CDK5RAP3: variants seen among roughly 807,000 people sequenced by gnomAD.
CDK5RAP3 encodes the protein CDK5 regulatory subunit-associated protein 3.
In CDK5RAP3, 58 loss-of-function variants were observed where a neutral mutation model predicts 73.3. That is an observed-to-expected ratio of 0.79 (90% CI 0.64 to 0.98). The LOEUF is 0.98. CDK5RAP3 is among the 50% of genes least tolerant of loss of function. CDK5RAP3 has a pLI of 0.00. For missense variants in CDK5RAP3, 525 were observed against 615.8 expected (o/e 0.85, Z 1.56); for synonymous variants, 224 against 247.5 (o/e 0.91, Z 0.89).
intron 5 of CDK5RAP3, chr17:47,974,711 T>C: frequency 7.5e-7 from 1 of 1,342,180 alleles, no homozygotes; most frequent in Admixed American, 3.2e-5. Context: ...CCTCCACCAC[T>C]CACCTCTTGG....
chr17:47,976,592 G>A, intron 8 of CDK5RAP3, 120 bp from the exon 9 acceptor site: 1 of 671,880 alleles, frequency 1.5e-6, no homozygotes, highest in Non-Finnish European at 2.7e-6. Flanking sequence ...TCAAACTCCT[G>A]GGCTCAAGCA....
At chr17:47,970,704 C>A, upstream of CDK5RAP3, 1 of 1,535,664 alleles carries the variant, frequency 6.5e-7, no homozygotes, top group Non-Finnish European at 8.7e-7. Context: ...GATGGTAAAG[C>A]GACGCAAGGA....
chr17:47,970,778 A>G (rs1227029487), upstream of CDK5RAP3: 2 of 1,494,098 alleles, frequency 1.3e-6, no homozygotes, highest in African/African-American at 1.4e-5. Flanking sequence ...AGACGTCTCA[A>G]TCTGCGTGGA....
intron 5 of CDK5RAP3, 38 bp from the exon 6 acceptor site, chr17:47,975,121 G>T (rs368578380): frequency 3.7e-6 from 6 of 1,613,798 alleles, no homozygotes; most frequent in South Asian, 2.2e-5. Flanking sequence ...TGCCTCATGT[G>T]GGGGTGTCCT....
intron 6 of CDK5RAP3, 58 bp from the exon 7 acceptor site, chr17:47,975,456 T>A: frequency 1.2e-6 from 2 of 1,609,406 alleles, no homozygotes; most frequent in Non-Finnish European, 1.7e-6. Flanking sequence ...CTTACTTTTC[T>A]TCGGTCTTTG....
rs763516183 is a variant in CDK5RAP3 at position 47,980,771 on chromosome 17, A to G, written c.1256A>G (p.His419Arg). The G allele has an allele frequency of 6.2e-7, 1 of 1,614,024 alleles. No individual in the cohort carries two copies. The highest frequency in any genetic ancestry group is 8.5e-7 in the Non-Finnish European group (1 of 1,179,986). The change falls in exon 12 of 14, where the codon CAC (histidine) becomes CGC (arginine). Residue 419 changes from histidine to arginine, a missense_variant. By Grantham distance (29) the His-to-Arg change is conservative. Transcript: ENST00000338399. ...IGKLTSLQLQ[H>R]LFMILASPRY... is the part of the protein sequence containing the mutation. ...AAGCTTACCAGTCTTCAGCTGCAAC[A>G]CCTGTTTATGATCCTGGCCTCACCA...
upstream of CDK5RAP3, among the ~76,000 whole-genome samples, chr17:47,968,783 C>T (rs1188062827): frequency 1.3e-5 from 2 of 151,914 alleles, no homozygotes; most frequent in African/African-American, 2.4e-5. Context: ...CCCAAAGTGC[C>T]GAGATTACAG....
intron 4 of CDK5RAP3, 68 bp downstream of exon 4, chr17:47,974,099 T>C: frequency 1.8e-6 from 2 of 1,099,030 alleles, no homozygotes; most frequent in Admixed American, 1.7e-5. Context: ...ATAGCCTCTG[T>C]GGTCTCTCTG....
intron 10 of CDK5RAP3, chr17:47,978,604 C>A (rs1287914168): frequency 1.8e-6 from 1 of 541,450 alleles, no homozygotes; most frequent in Admixed American, 3.2e-5. Flanking sequence ...TTCTACCCCT[C>A]TGAACCCAGC....
Position 47,980,817 on chromosome 17 carries a change from G to GC in CDK5RAP3, c.1283+20dup, listed in dbSNP as rs1225365737. ...CACCAAGGTCTGGCTTCCCCTTGAT[G>GC]CAAGGCTCTGCCATCTTGAGCAGCT... On this transcript the variant is annotated intron_variant, in intron 12 of 13. Coordinates refer to ENST00000338399, the MANE Select transcript of CDK5RAP3 (RefSeq NM_176096.3). 3.1e-6 allele frequency: 5 copies of GC among 1,610,606 alleles called. No individual in the cohort carries two copies. Among genetic ancestry groups the GC allele is most frequent in the Non-Finnish European group, 4.2e-6 (5 of 1,177,008 alleles).
In CDK5RAP3 at chr17:47,973,619, C is replaced by T. The variant is rs374240629; in HGVS notation, c.153C>T (p.Ser51=). Residue 51 remains serine, a synonymous_variant, in exon 3 of 14, where the codon AGC becomes AGT. Transcript: ENST00000338399. ...INAAIQDMPE[S]EEIAQLLSGS... ...CTGCCATCCAGGACATGCCAGAGAG[C>T]GAAGAGATCGCCCAGCTGCTGTCTG... 7.3e-5 allele frequency: 118 copies of T among 1,614,070 alleles called. No homozygotes were observed. The highest frequency in any genetic ancestry group is 3.2e-4 in the Admixed American group (19 of 60,002).
In CDK5RAP3 at chr17:47,975,234, A is replaced by G. The variant is rs775802632; in HGVS notation, c.410A>G (p.Gln137Arg). The G allele has an allele frequency of 6.2e-7, 1 of 1,614,194 alleles. No homozygotes were observed. The highest frequency in any genetic ancestry group is 1.6e-4 in the Middle Eastern group (1 of 6,062). ...CTGAAGAAGCAGATTGCCAAGTGCC[A>G]GCAGCTGCAGCAAGAATACAGCCGC... Reference protein sequence around the residue: ...PSLKKQIAKCQQLQQEYSRKE... With the variant: ...PSLKKQIAKCRQLQQEYSRKE... Residue 137 changes from glutamine to arginine, a missense_variant, in exon 6 of 14, where the codon CAG becomes CGG. By Grantham distance (43) the Gln-to-Arg change is conservative. Transcript: ENST00000338399.
upstream of CDK5RAP3, among the ~76,000 whole-genome samples, chr17:47,968,416 G>A (rs890444774): frequency 6.6e-6 from 1 of 152,092 alleles, no homozygotes; most frequent in African/African-American, 2.4e-5. Context: ...CCAAGTTCAG[G>A]TGATTCTTCC....
Position 47,975,631 on chromosome 17 carries a change from T to A in CDK5RAP3, c.631T>A (p.Ser211Thr). ...LGEAIDVYQA[S>T]VGFVCESPTE... is the part of the protein sequence containing the mutation. The stretch of plus-strand genomic sequence containing the variant: ...GGAAGCCATTGACGTGTACCAGGCG[T>A]CTGTGGGGTTTGTGTGTGAGAGGTA... The change falls in exon 7 of 14, where the codon TCT (serine) becomes ACT (threonine). Residue 211 changes from serine (S) to threonine (T), a missense_variant. By Grantham distance (58) the Ser-to-Thr change is moderately conservative. Around this residue, in one of 2 missense-constraint regions of CDK5RAP3, gnomAD observed 409 missense variants for 429.8 expected, o/e 0.95. Transcript: ENST00000338399. 6.2e-7 allele frequency: 1 copy of A among 1,603,462 alleles called. No individual in the cohort carries two copies. Among genetic ancestry groups the A allele is most frequent in the Non-Finnish European group, 8.5e-7 (1 of 1,178,714 alleles).
chr17:47,974,344 G>A (rs2036341551), intron 4 of CDK5RAP3, 56 bp from the exon 5 acceptor site: 1 of 1,420,322 alleles, frequency 7.0e-7, no homozygotes, highest in Non-Finnish European at 1.0e-6. Flanking sequence ...GATTGAGCTG[G>A]GATGTGGCTG....
intron 5 of CDK5RAP3, chr17:47,974,670 G>A (rs561225092): frequency 1.9e-5 from 26 of 1,376,642 alleles, no homozygotes; most frequent in African/African-American, 1.0e-4. Flanking sequence ...GTGGCCATTC[G>A]CCGTGCCTCA....
At position 47,975,188 on chromosome 17, in the gene CDK5RAP3, G is replaced by GTC; in HGVS notation, c.365_366dup (p.Asn123SerfsTer8). 1 of 1,614,196 alleles carries GTC rather than the reference G, an allele frequency of 6.2e-7. No homozygotes were observed. Among genetic ancestry groups the GTC allele is most frequent in the Non-Finnish European group, 8.5e-7 (1 of 1,180,038 alleles). ...ACTCTCTAGCCTCCTGGTTCGGAAT[G>GTC]TCAACTATGAGATCCCCTCACTGAA... On this transcript the variant is annotated frameshift_variant, in exon 6 of 14. Transcript: ENST00000338399. LOFTEE classifies it high-confidence loss of function.
chr17:47,979,688 T>C (rs1181084019), intron 11 of CDK5RAP3: 1 of 152,470 alleles, frequency 6.6e-6, no homozygotes, highest in African/African-American at 2.4e-5. Context: ...TCTTGGACCT[T>C]TGTTGTAAGG....
chr17:47,973,454 C>A lies in CDK5RAP3; in HGVS notation c.53-65C>A. 4 of 1,573,138 alleles carry A rather than the reference C, an allele frequency of 2.5e-6. No individual in the cohort carries two copies. The South Asian group carries it at 3.4e-5, about 13-fold the overall frequency. On this transcript the variant is annotated intron_variant, in intron 2 of 13. Coordinates refer to ENST00000338399, the MANE Select transcript of CDK5RAP3 (RefSeq NM_176096.3). ...TAGACTAATTTCAGTGTATTTCACTCGAATTAGTGATGGAATTTTGGTGAT... is the reference window on the plus strand; with the variant it reads ...TAGACTAATTTCAGTGTATTTCACTAGAATTAGTGATGGAATTTTGGTGAT...
Sources: gnomAD v4.1 joint callset for allele counts (sites outside exome capture counted in the v4.1 genomes callset) on GRCh38, gnomAD v4.1.1 for gene constraint, gnomAD v4.1.1 regional missense constraint, MANE v1.5 for transcripts, NCBI Gene and HGNC (gene_info 2026-07-23, HGNC 2026-07-21) for gene names.